The following NKAIN2 variants were observed in gnomAD, a reference collection of about 807,000 sequenced individuals.
NKAIN2 encodes sodium/potassium transporting ATPase interacting 2.
Under a neutral mutation model 32.6 loss-of-function variants are expected in NKAIN2, and 14 were observed. The observed-to-expected ratio is 0.43, with a 90% CI of 0.28 to 0.67. NKAIN2 has a LOEUF of 0.67. NKAIN2 is among the 30% of genes least tolerant of loss of function. The probability of loss-of-function intolerance (pLI) is 0.17; values close to 1 mark genes in which losing one functional copy is unlikely to be tolerated. For missense variants in NKAIN2, 198 were observed against 258.3 expected, an observed-to-expected ratio of 0.77 and a Z score of 1.60; for synonymous variants, 80 against 87.2, an observed-to-expected ratio of 0.92 and a Z score of 0.46.
intron 1 of NKAIN2, among the ~76,000 whole-genome samples, chr6:124,064,304 C>A (rs956961246): frequency 6.6e-6 from 1 of 151,920 alleles, no homozygotes; most frequent in Non-Finnish European, 1.5e-5. Flanking sequence ...TTCTTATTTG[C>A]AAATATTACA....
chr6:124,132,074 G>T (rs944337491), intron 1 of NKAIN2, among the ~76,000 whole-genome samples: 13 of 152,096 alleles, frequency 8.5e-5, no homozygotes, highest in South Asian at 2.1e-4. Context: ...CTGTTAATGG[G>T]GCACTGCAGG....
At chr6:123,918,473 T>C (rs112851213) in intron 1 of NKAIN2, among the ~76,000 whole-genome samples, 1 of 152,326 alleles carries the variant, frequency 6.6e-6, no homozygotes, top group Admixed American at 6.5e-5. Context: ...AGAGAAAATA[T>C]CAACCGCATG....
At chr6:123,886,304 G>A (rs999511972) in intron 1 of NKAIN2, among the ~76,000 whole-genome samples, 1 of 151,948 alleles carries the variant, frequency 6.6e-6, no homozygotes, top group Non-Finnish European at 1.5e-5. Context: ...TTCTTTATAA[G>A]TATATATTCA....
intron 3 of NKAIN2, among the ~76,000 whole-genome samples, chr6:124,547,483 A>T (rs915429383): frequency 2.0e-5 from 3 of 152,220 alleles, no homozygotes; most frequent in Admixed American, 1.3e-4. Flanking sequence ...AATTATAAAT[A>T]CATACAGAAA....
chr6:124,326,903 T>G (rs1323713952), intron 2 of NKAIN2, among the ~76,000 whole-genome samples: 2 of 152,138 alleles, frequency 1.3e-5, no homozygotes, highest in African/African-American at 4.8e-5. Flanking sequence ...CTTAGTGACC[T>G]TAGCCACTTA....
At chr6:124,573,956 T>G (rs930473033) in intron 3 of NKAIN2, among the ~76,000 whole-genome samples, 1 of 152,202 alleles carries the variant, frequency 6.6e-6, no homozygotes, top group African/African-American at 2.4e-5. Context: ...TCCACTCATG[T>G]GCACTTAAAG....
intron 1 of NKAIN2, among the ~76,000 whole-genome samples, chr6:124,227,503 T>G (rs1301025813): frequency 6.6e-6 from 1 of 152,212 alleles, no homozygotes; most frequent in Non-Finnish European, 1.5e-5. Context: ...ACATGCAGAA[T>G]ATTTGCAGAT....
intron 1 of NKAIN2, among the ~76,000 whole-genome samples, chr6:124,273,430 G>A (rs1212854162): frequency 6.6e-6 from 1 of 152,086 alleles, no homozygotes; most frequent in Non-Finnish European, 1.5e-5. Context: ...GTTTCCTGAG[G>A]CCTCCCAGAC....
intron 1 of NKAIN2, among the ~76,000 whole-genome samples, chr6:124,106,464 C>T (rs1785125619): frequency 6.6e-6 from 1 of 152,110 alleles, no homozygotes; most frequent in Non-Finnish European, 1.5e-5. Flanking sequence ...GAGATTAATT[C>T]ACTTAATGGT....
At chr6:124,233,062 G>A (rs1055024378) in intron 1 of NKAIN2, among the ~76,000 whole-genome samples, 2 of 152,020 alleles carry the variant, frequency 1.3e-5, no homozygotes, top group African/African-American at 4.8e-5. Context: ...ACCAGTCTGG[G>A]CCTGAGAAAT....
chr6:124,229,333 A>G (rs1456082561), intron 1 of NKAIN2, among the ~76,000 whole-genome samples: 1 of 152,192 alleles, frequency 6.6e-6, no homozygotes, highest in Non-Finnish European at 1.5e-5. Flanking sequence ...TGACCTAGCC[A>G]TGAAGATATA....
chr6:123,908,255 G>C (rs574637728), intron 1 of NKAIN2, among the ~76,000 whole-genome samples: 25 of 152,108 alleles, frequency 1.6e-4, no homozygotes, highest in Non-Finnish European at 2.9e-4. Context: ...AAAAATCTGA[G>C]TCTCAGAATT....
intron 4 of NKAIN2, among the ~76,000 whole-genome samples, chr6:124,697,519 T>G (rs1774556755): frequency 6.6e-6 from 1 of 152,144 alleles, no homozygotes; most frequent in Admixed American, 6.5e-5. Context: ...ACACTAGAGC[T>G]CTCCTAAATG....
chr6:123,894,372 A>G (rs569281725), intron 1 of NKAIN2, among the ~76,000 whole-genome samples: 11 of 152,344 alleles, frequency 7.2e-5, no homozygotes, highest in Admixed American at 2.6e-4. Context: ...TTGGGACTCA[A>G]GAATAACTCA....
rs1302164662 is a variant in NKAIN2 at position 124,166,877 on chromosome 6, A to ATC, written c.55-116124_55-116123dup. Among the ~76,000 whole-genome samples, 78 of 145,960 alleles carry ATC rather than the reference A, an allele frequency of 5.3e-4. No individual in the cohort carries two copies. The East Asian group carries it at 0.014, about 27-fold the overall frequency. On this transcript the variant is annotated intron_variant, in intron 1 of 6. Transcript: ENST00000368417. ...GCTCTGTTCTGTTCCATTGATCTAT[A>ATC]TCTCTGTTTTGGTACCAGTACCATG...
intron 1 of NKAIN2, among the ~76,000 whole-genome samples, chr6:123,993,561 G>T (rs1372500466): frequency 6.6e-6 from 1 of 152,080 alleles, no homozygotes; most frequent in African/African-American, 2.4e-5. Context: ...ACATTTAAAG[G>T]TTGACTCTGG....
chr6:124,351,236 T>C (rs1238563703), intron 2 of NKAIN2, among the ~76,000 whole-genome samples: 2 of 152,144 alleles, frequency 1.3e-5, no homozygotes, highest in African/African-American at 4.8e-5. Flanking sequence ...TTCAATATGA[T>C]GGAACAATGT....
intron 1 of NKAIN2, among the ~76,000 whole-genome samples, chr6:124,033,930 A>C (rs1205953639): frequency 1.3e-5 from 2 of 152,098 alleles, no homozygotes; most frequent in Non-Finnish European, 2.9e-5. Context: ...TAGGTGTAGA[A>C]TATCCTTACA....
intron 1 of NKAIN2, among the ~76,000 whole-genome samples, chr6:124,107,703 C>A (rs993195149): frequency 3.9e-5 from 6 of 152,084 alleles, no homozygotes; most frequent in African/African-American, 1.4e-4. Context: ...TATTTCCCCA[C>A]CTCTCTTTCA....
Sources: gnomAD v4.1 joint callset for allele counts (sites outside exome capture counted in the v4.1 genomes callset) on GRCh38, gnomAD v4.1.1 for gene constraint, MANE v1.5 for transcripts, NCBI Gene and HGNC (gene_info 2026-07-23, HGNC 2026-07-21) for gene names.